PCDH9: variants seen among roughly 807,000 people sequenced by gnomAD.
The protein encoded by PCDH9 is protocadherin-9.
PCDH9 carries 24 observed loss-of-function variants against 70.6 expected under a neutral mutation model. That is an observed-to-expected ratio of 0.34 (90% CI 0.25 to 0.48). The LOEUF is 0.48. PCDH9 is among the 20% of genes least tolerant of loss of function. PCDH9 has a pLI of 0.99. For synonymous variants in PCDH9, 562 were observed against 558.5 expected (o/e 1.01, Z -0.09); for missense variants, 1,281 against 1,503.6 (o/e 0.85, Z 2.45).
intron 2 of PCDH9, among the ~76,000 whole-genome samples, chr13:67,160,398 T>C (rs967282503): frequency 1.3e-5 from 2 of 151,674 alleles, no homozygotes; most frequent in East Asian, 3.9e-4. Context: ...ACAAAAAAAA[T>C]TAGCCGGGCG....
Position 66,349,268 on chromosome 13 carries a change from C to T in PCDH9, c.3341-44240G>A, listed in dbSNP as rs561860849. ...GAATAAATGAGTGCATGAGGGCATG[C>T]CTTGGTTGTTGAAGGAAAGGGGTGA... On this transcript the variant is annotated intron_variant, in intron 4 of 4. Coordinates refer to ENST00000377865, the MANE Select transcript of PCDH9 (RefSeq NM_203487.3). Among the ~76,000 whole-genome samples, 70 of 152,156 alleles carry T rather than the reference C, an allele frequency of 4.6e-4. 1 individual carries two copies. Among genetic ancestry groups the T allele is most frequent in the African/African-American group, 1.6e-3 (68 of 41,514 alleles).
intron 3 of PCDH9, among the ~76,000 whole-genome samples, chr13:66,697,311 A>G (rs760824026): frequency 7.9e-5 from 12 of 152,078 alleles, no homozygotes; most frequent in Middle Eastern, 3.2e-3. Flanking sequence ...GTTGAGAAGC[A>G]ATTTTCTTCA....
At chr13:66,954,495 G>C (rs2083236332) in intron 2 of PCDH9, among the ~76,000 whole-genome samples, 1 of 152,144 alleles carries the variant, frequency 6.6e-6, no homozygotes, top group Non-Finnish European at 1.5e-5. Context: ...CTTACAGAGA[G>C]AGCTGTTTCT....
intron 2 of PCDH9, among the ~76,000 whole-genome samples, chr13:66,917,941 G>C (rs777928711): frequency 4.6e-5 from 7 of 151,240 alleles, no homozygotes; most frequent in Non-Finnish European, 7.4e-5. Context: ...TTAGGAAAAT[G>C]ATATGTCTTA....
At chr13:66,997,169 G>A (rs1017866795) in intron 2 of PCDH9, among the ~76,000 whole-genome samples, 13 of 152,100 alleles carry the variant, frequency 8.5e-5, no homozygotes, top group African/African-American at 2.4e-4. Flanking sequence ...TGCTATAAAC[G>A]AATACCTGAG....
chr13:66,316,416 C>T (rs1955652170), intron 4 of PCDH9, among the ~76,000 whole-genome samples: 1 of 152,312 alleles, frequency 6.6e-6, no homozygotes, highest in African/African-American at 2.4e-5. Context: ...AGCCATTACT[C>T]CTTTCCATGG....
At chr13:67,189,331 T>A (rs2088848175) in intron 2 of PCDH9, among the ~76,000 whole-genome samples, 1 of 152,086 alleles carries the variant, frequency 6.6e-6, no homozygotes, top group South Asian at 2.1e-4. Context: ...TTATTCTTTT[T>A]ACTGATTCAT....
chr13:66,617,859 CG>C lies in PCDH9; in HGVS notation c.3340+13350del, dbSNP rs547867517. On this transcript the variant is annotated intron_variant, in intron 4 of 4. Coordinates refer to ENST00000377865, the MANE Select transcript of PCDH9 (RefSeq NM_203487.3). The stretch of plus-strand genomic sequence containing the variant: ...AAGCCCCTGAGGGACCTCAGACTGC[CG>C]TTTCCACAAAACGGCGTCCCCTGTC... Among the ~76,000 whole-genome samples, 202 of 152,286 alleles carry C rather than the reference CG, an allele frequency of 1.3e-3. 1 individual carries two copies. Among genetic ancestry groups the C allele is most frequent in the African/African-American group, 4.6e-3 (193 of 41,554 alleles).
rs757292876 is a variant in PCDH9, at chr13:67,227,070, AACCCTT to A, written c.1365_1370del (p.Arg456_Val457del). ...GGTTGTCATTTTCATCCTCAAGCTTAACCCTTACCAGGGCAGTCTGATTTAAACTGG... is the reference window on the plus strand; with the variant it reads ...GGTTGTCATTTTCATCCTCAAGCTTAACCAGGGCAGTCTGATTTAAACTGG... On this transcript the variant is annotated inframe_deletion, in exon 2 of 5. Transcript: ENST00000377865. This position sits in a 1 kb window ranked among gnomAD's most constrained non-coding sequence, Gnocchi z 4.6. 1 of 1,614,164 alleles carries A rather than the reference AACCCTT, an allele frequency of 6.2e-7. No homozygotes were observed.
At chr13:66,367,234 A>G (rs913685657) in intron 4 of PCDH9, among the ~76,000 whole-genome samples, 2 of 152,082 alleles carry the variant, frequency 1.3e-5, no homozygotes, top group Non-Finnish European at 2.9e-5. Context: ...ATGCTTATCT[A>G]TTGACTTCAA....
chr13:67,134,563 G>A (rs781273334), intron 2 of PCDH9, among the ~76,000 whole-genome samples: 10 of 151,962 alleles, frequency 6.6e-5, no homozygotes, highest in Non-Finnish European at 8.8e-5. Flanking sequence ...CTACCCATAC[G>A]CATTCTTCTT....
At chr13:66,945,544 T>C (rs1002249023) in intron 2 of PCDH9, among the ~76,000 whole-genome samples, 3 of 152,204 alleles carry the variant, frequency 2.0e-5, no homozygotes, top group African/African-American at 7.2e-5. Flanking sequence ...CGTGTATCCA[T>C]ACATTTTAAT....
chr13:66,786,414 A>T (rs117568535), intron 3 of PCDH9, among the ~76,000 whole-genome samples: 3 of 152,128 alleles, frequency 2.0e-5, no homozygotes, highest in Non-Finnish European at 2.9e-5. Context: ...GCTTTTATGG[A>T]CTCCTATGCA....
chr13:67,195,809 T>G (rs1310776381), intron 2 of PCDH9, among the ~76,000 whole-genome samples: 1 of 152,164 alleles, frequency 6.6e-6, no homozygotes, highest in African/African-American at 2.4e-5. Flanking sequence ...TTTATAGAGA[T>G]AGCTGACTCC....
intron 3 of PCDH9, among the ~76,000 whole-genome samples, chr13:66,721,330 C>T (rs947088009): frequency 6.6e-6 from 1 of 152,164 alleles, no homozygotes; most frequent in African/African-American, 2.4e-5. Flanking sequence ...AAATTCAACA[C>T]ATTACCTATT....
chr13:67,201,635 T>A (rs916178126), intron 2 of PCDH9: 4 of 152,026 alleles, frequency 2.6e-5, no homozygotes, highest in African/African-American at 9.7e-5. Context: ...TTGAGCCAAT[T>A]TTTTGTGTAA....
intron 2 of PCDH9, chr13:67,214,974 T>TATATATATATATA (rs2089567662): frequency 2.1e-5 from 1 of 47,628 alleles, no homozygotes; most frequent in African/African-American, 7.5e-5. Context: ...ATATATATAT[T>TATATATATATATA]CACTTAATCT....
chr13:66,983,681 T>TAA (rs200092674), intron 2 of PCDH9, among the ~76,000 whole-genome samples: 12 of 151,994 alleles, frequency 7.9e-5, no homozygotes, highest in African/African-American at 2.7e-4. Flanking sequence ...CACTCTTTTT[T>TAA]AAAAAAAACT....
chr13:66,935,682 T>G (rs2082904615), intron 2 of PCDH9, among the ~76,000 whole-genome samples: 1 of 152,080 alleles, frequency 6.6e-6, no homozygotes, highest in East Asian at 1.9e-4. Flanking sequence ...ATAAGAATAC[T>G]TAGCTCAAAC....
Sources: allele counts gnomAD v4.1 joint callset (sites outside exome capture counted in the v4.1 genomes callset), GRCh38; gene constraint gnomAD v4.1.1; non-coding constraint Gnocchi (gnomAD v3.1); transcripts MANE v1.5; gene names NCBI Gene and HGNC (gene_info 2026-07-23, HGNC 2026-07-21).